RBMS3: variants seen among roughly 807,000 people sequenced by gnomAD.
The protein encoded by RBMS3 is RNA binding motif single stranded interacting protein 3, also known as RNA-binding motif, single-stranded-interacting protein 3.
In RBMS3, 27 loss-of-function variants were observed where a neutral mutation model predicts 66.8. The ratio of observed to expected loss-of-function variants is 0.40; its 90% CI spans 0.30 to 0.56. The LOEUF (loss-of-function observed/expected upper bound fraction) is 0.56, where lower values mean the gene tolerates loss of function less well. RBMS3 is among the 20% of genes least tolerant of loss of function. The probability of loss-of-function intolerance (pLI) is 0.40; values close to 1 mark genes in which losing one functional copy is unlikely to be tolerated. For synonymous variants in RBMS3, 188 were observed against 183.0 expected (o/e 1.03, Z -0.22); for missense variants, 513 against 549.5 (o/e 0.93, Z 0.66).
intron 7 of RBMS3, among the ~76,000 whole-genome samples, chr3:29,869,934 A>T (rs1012873450): frequency 6.6e-6 from 1 of 152,114 alleles, no homozygotes; most frequent in Non-Finnish European, 1.5e-5. Flanking sequence ...GGAAGCTGGA[A>T]TTTTTCTCAG....
At chr3:29,880,008 C>T (rs2059699661) in intron 7 of RBMS3, among the ~76,000 whole-genome samples, 1 of 152,096 alleles carries the variant, frequency 6.6e-6, no homozygotes, top group Non-Finnish European at 1.5e-5. Context: ...TATCAAATAA[C>T]TATCTCCTAA....
At chr3:29,787,532 G>A (rs2056860827) in intron 6 of RBMS3, among the ~76,000 whole-genome samples, 2 of 152,138 alleles carry the variant, frequency 1.3e-5, no homozygotes, top group Admixed American at 6.5e-5. Context: ...GGCATTTGCA[G>A]CAATGCCATT....
intron 3 of RBMS3, among the ~76,000 whole-genome samples, chr3:29,503,691 A>G (rs3773047): frequency 0.13 from 20,047 of 152,132 alleles, 1,961 homozygotes; most frequent in African/African-American, 0.27. Context: ...ACAGCAAGGC[A>G]GTCATTTCAT....
intron 4 of RBMS3, among the ~76,000 whole-genome samples, chr3:29,668,822 TA>T (rs1190015126): frequency 6.6e-6 from 1 of 152,250 alleles, no homozygotes; most frequent in Non-Finnish European, 1.5e-5. Flanking sequence ...TTCAGTTATA[TA>T]ACTGAGGTTT....
intron 1 of RBMS3, among the ~76,000 whole-genome samples, chr3:29,362,210 G>A (rs997739759): frequency 7.9e-5 from 12 of 152,100 alleles, no homozygotes; most frequent in Non-Finnish European, 1.0e-4. Flanking sequence ...TGATGGTGAC[G>A]TACACATGGG....
chr3:29,779,794 G>A (rs1160518368), intron 6 of RBMS3, among the ~76,000 whole-genome samples: 2 of 145,928 alleles, frequency 1.4e-5, no homozygotes, highest in African/African-American at 5.0e-5. Flanking sequence ...CAAAAAGATT[G>A]TATACTTTAG....
chr3:29,497,973 A>ATTTTTTTTTTTTT lies in RBMS3; in HGVS notation c.307+9499_307+9511dup, dbSNP rs779555263. Among the ~76,000 whole-genome samples the ATTTTTTTTTTTTT allele has an allele frequency of 1.3e-3, 56 of 43,436 alleles. 17 individuals carry two copies. Among genetic ancestry groups the ATTTTTTTTTTTTT allele is most frequent in the East Asian group, 3.0e-3 (4 of 1,328 alleles). The allele number at this position is 43,436 out of a possible 152,430, so 28.5% of individuals were successfully genotyped here. ...TCAGAGTTATTCTCTAAAAGTATTC[A>ATTTTTTTTTTTTT]TTTTTTTTTTTTTTTTTTTTTTTTT... On this transcript the variant is annotated intron_variant, in intron 3 of 14. Transcript: ENST00000383767.
At chr3:29,947,953 C>G (rs188553999) in intron 12 of RBMS3, among the ~76,000 whole-genome samples, 5 of 151,008 alleles carry the variant, frequency 3.3e-5, no homozygotes, top group Admixed American at 3.3e-4. Context: ...AGAATTTGAA[C>G]CTAGGTTTGA....
intron 3 of RBMS3, among the ~76,000 whole-genome samples, chr3:29,495,709 C>T (rs1404604315): frequency 6.6e-6 from 1 of 151,978 alleles, no homozygotes; most frequent in Non-Finnish European, 1.5e-5. Flanking sequence ...TGAGCCACTG[C>T]GCCCGGTCAG....
intron 1 of RBMS3, among the ~76,000 whole-genome samples, chr3:29,286,152 C>CG (rs968977505): frequency 5.3e-5 from 8 of 152,016 alleles, no homozygotes; most frequent in African/African-American, 9.7e-5. Context: ...TCTTTCGCTT[C>CG]GGGGGGTAAT....
chr3:29,967,190 G>A (rs931877076), intron 12 of RBMS3, among the ~76,000 whole-genome samples: 1 of 152,060 alleles, frequency 6.6e-6, no homozygotes, highest in African/African-American at 2.4e-5. Flanking sequence ...GGTATTAGCG[G>A]GTGATGCTGT....
Position 29,991,184 on chromosome 3 carries a change from C to G in RBMS3, c.1282C>G (p.Pro428Ala), listed in dbSNP as rs1405724661. 2 of 1,614,104 alleles carry G rather than the reference C, an allele frequency of 1.2e-6. No homozygotes were observed. Among genetic ancestry groups the G allele is most frequent in the Non-Finnish European group, 1.7e-6 (2 of 1,179,956 alleles). Reference sequence around the variant, plus strand: ...AGTGGACACATCCAACGAACATGCACCTGCATATTCTTACCAACAGTCTAA... The same window carrying G: ...AGTGGACACATCCAACGAACATGCAGCTGCATATTCTTACCAACAGTCTAA... ...IAVDTSNEHA[P>A]AYSYQQSKP Residue 428 changes from proline (P) to alanine (A), a missense_variant, in exon 14 of 15, where the codon CCT (proline) becomes GCT (alanine). Physicochemically the swap from Pro to Ala is conservative, Grantham distance 27. Transcript: ENST00000383767.
chr3:29,663,362 T>C (rs186127493), intron 4 of RBMS3, among the ~76,000 whole-genome samples: 23 of 152,318 alleles, frequency 1.5e-4, no homozygotes, highest in African/African-American at 5.5e-4. Flanking sequence ...ATTTCTTGCA[T>C]AACGAAGACC....
At chr3:29,506,428 G>C (rs1031919885) in intron 3 of RBMS3, among the ~76,000 whole-genome samples, 1 of 151,848 alleles carries the variant, frequency 6.6e-6, no homozygotes, top group East Asian at 1.9e-4. Flanking sequence ...GGAATAAATT[G>C]CACTTGATCA....
At chr3:29,388,717 C>T (rs954466676) in intron 1 of RBMS3, among the ~76,000 whole-genome samples, 6 of 152,186 alleles carry the variant, frequency 3.9e-5, no homozygotes, top group Non-Finnish European at 5.9e-5. Context: ...AGGCAACCGC[C>T]ACTATGCCCA....
At chr3:29,760,991 T>G (rs2149380546) in intron 5 of RBMS3, among the ~76,000 whole-genome samples, 1 of 152,242 alleles carries the variant, frequency 6.6e-6, no homozygotes, top group African/African-American at 2.4e-5. Flanking sequence ...ATGATATACA[T>G]ACTGAGCGTT....
intron 4 of RBMS3, among the ~76,000 whole-genome samples, chr3:29,717,936 C>T (rs1158149984): frequency 1.3e-5 from 2 of 152,032 alleles, no homozygotes; most frequent in African/African-American, 4.8e-5. Flanking sequence ...TCATGAATGC[C>T]CACGCTTTGT....
intron 6 of RBMS3, among the ~76,000 whole-genome samples, chr3:29,840,140 A>ACAGCATAT (rs1254815989): frequency 3.3e-5 from 5 of 152,026 alleles, no homozygotes. Context: ...CTATGGGGCA[A>ACAGCATAT]CAGCATATCG....
chr3:29,506,912 A>G (rs960644378), intron 3 of RBMS3, among the ~76,000 whole-genome samples: 2 of 151,080 alleles, frequency 1.3e-5, no homozygotes, highest in African/African-American at 4.9e-5. Flanking sequence ...TATTTTTGGT[A>G]TCAGCTATAA....
Sources: allele counts gnomAD v4.1 joint callset (sites outside exome capture counted in the v4.1 genomes callset), GRCh38; gene constraint gnomAD v4.1.1; transcripts MANE v1.5; gene names NCBI Gene and HGNC (gene_info 2026-07-23, HGNC 2026-07-21).